Variants in NCOR2 observed in about 807,000 individuals in gnomAD.
NCOR2 encodes CTG repeat protein 26.
A neutral mutation model predicts 262.9 loss-of-function variants in NCOR2; 81 were observed. The observed-to-expected ratio is 0.31, with a 90% confidence interval of 0.26 to 0.37. NCOR2 has a LOEUF of 0.37. NCOR2 is among the 10% of genes least tolerant of loss of function. The probability of loss-of-function intolerance (pLI) is 1.00; values close to 1 mark genes in which losing one functional copy is unlikely to be tolerated. For synonymous variants in NCOR2, 1,659 were observed against 1,559.3 expected (o/e 1.06, Z -1.51); for missense variants, 3,385 against 3,621.4 (o/e 0.93, Z 1.68).
At chr12:124,419,277 T>C (rs2043082475) in intron 13 of NCOR2, among the ~76,000 whole-genome samples, 1 of 152,178 alleles carries the variant, frequency 6.6e-6, no homozygotes, top group South Asian at 2.1e-4. Flanking sequence ...TGAGACCCTG[T>C]ACGCCATACA....
chr12:124,357,293 G>A (rs964968624), intron 22 of NCOR2, among the ~76,000 whole-genome samples: 1 of 152,056 alleles, frequency 6.6e-6, no homozygotes, highest in African/African-American at 2.4e-5. Flanking sequence ...GAATACAGGC[G>A]CCCACCACCG....
At position 124,378,226 on chromosome 12, in the gene NCOR2, C is replaced by A. The variant is rs2040169085; in HGVS notation, c.2167+11G>T. 5 of 1,612,350 alleles carry A rather than the reference C, an allele frequency of 3.1e-6. No homozygotes were observed. The South Asian group carries it at 3.3e-5, about 11-fold the overall frequency. ...AGCTGCCAGCCACCTCCAAGCCGCG[C>A]CAGCCCTCACCTTCAGCCTCCTCCA... On this transcript the variant is annotated intron_variant, in intron 18 of 46. Transcript: ENST00000405201. This position sits in a 1 kb window ranked among gnomAD's most constrained non-coding sequence, Gnocchi z 4.2.
chr12:124,344,563 CCACCCCACTCACGCCCATGCA>C lies in NCOR2; in HGVS notation c.4714+13_4714+33del, dbSNP rs755043323. On this transcript the variant is annotated intron_variant, in intron 32 of 46. Coordinates refer to ENST00000405201, the Ensembl canonical transcript of NCOR2. ...AGGCACAGCTTCTCCAGACAGGCGCCCACCCCACTCACGCCCATGCACACCCCACTCACCCTCCTGCAGGCG... is the reference window on the plus strand; with the variant it reads ...AGGCACAGCTTCTCCAGACAGGCGCCCACCCCACTCACCCTCCTGCAGGCG... 346 of 1,419,074 alleles carry C rather than the reference CCACCCCACTCACGCCCATGCA, an allele frequency of 2.4e-4. 3 individuals are homozygous for C. In the Middle Eastern group the frequency reaches 6.1e-3, roughly 25 times the overall value. The allele number at this position is 1,419,074 out of a possible 1,614,324, so 87.9% of individuals were successfully genotyped here.
chr12:124,527,717 CCAGT>C (rs1270321930), intron 1 of NCOR2, among the ~76,000 whole-genome samples: 1 of 152,140 alleles, frequency 6.6e-6, no homozygotes, highest in Non-Finnish European at 1.5e-5. Context: ...GCCACTGTGC[CCAGT>C]CAATTAAATA....
At chr12:124,369,116 C>G (rs914904805) in intron 20 of NCOR2, among the ~76,000 whole-genome samples, 2 of 152,204 alleles carry the variant, frequency 1.3e-5, no homozygotes, top group Non-Finnish European at 2.9e-5. Context: ...GCCCACCTTA[C>G]AGATGAGAAA....
exon 36 of NCOR2, chr12:124,340,372 G>C (rs201265970): frequency 6.2e-7 from 1 of 1,612,974 alleles, no homozygotes; most frequent in Non-Finnish European, 8.5e-7. Flanking sequence ...TCCCGGTCCC[G>C]CTCTCGATCC....
chr12:124,433,877 C>CAAAA (rs397972191), intron 8 of NCOR2, among the ~76,000 whole-genome samples: 7 of 119,296 alleles, frequency 5.9e-5, no homozygotes, highest in African/African-American at 1.6e-4. Flanking sequence ...CACACACACA[C>CAAAA]ACACACACAC....
chr12:124,461,357 C>T (rs2046151632), intron 5 of NCOR2, among the ~76,000 whole-genome samples: 1 of 152,232 alleles, frequency 6.6e-6, no homozygotes, highest in Non-Finnish European at 1.5e-5. Flanking sequence ...CCCCGCTCAC[C>T]GTGGCGTCCA....
intron 21 of NCOR2, 134 bp downstream of exon 23, chr12:124,363,545 G>C: frequency 2.2e-6 from 2 of 913,660 alleles, no homozygotes; most frequent in Non-Finnish European, 3.0e-6. Context: ...AGCTCCACGG[G>C]GATTTCTCCA....
At chr12:124,382,645 C>T (rs998364778) in intron 17 of NCOR2, among the ~76,000 whole-genome samples, 17 of 152,226 alleles carry the variant, frequency 1.1e-4, no homozygotes, top group Non-Finnish European at 2.4e-4. Flanking sequence ...ACTCCCTCCA[C>T]GGTCCACTAA....
intron 1 of NCOR2, among the ~76,000 whole-genome samples, chr12:124,527,097 G>A (rs1312786093): frequency 6.6e-6 from 1 of 152,234 alleles, no homozygotes; most frequent in African/African-American, 2.4e-5. Context: ...AGTCGTGGAA[G>A]GGATGATGAG....
At chr12:124,385,936 G>A in intron 16 of NCOR2, 49 bp from the exon 19 acceptor site, 1 of 1,590,376 alleles carries the variant, frequency 6.3e-7, no homozygotes, top group East Asian at 2.2e-5. Flanking sequence ...CCGGCACGCA[G>A]AGGGGGCCTG....
intron 13 of NCOR2, among the ~76,000 whole-genome samples, chr12:124,410,805 G>C (rs936678474): frequency 2.6e-5 from 4 of 152,208 alleles, no homozygotes; most frequent in African/African-American, 9.6e-5. Flanking sequence ...TCCTGCCCTG[G>C]AACAGCCTTC....
chr12:124,445,228 A>G lies in NCOR2; in HGVS notation c.815+4587T>C, dbSNP rs369513965. ...TCCCCAGGTCCCACGCACTTTCACC[A>G]CATCCCACGCGGGCTCCATAGACTC... is the stretch of plus-strand genomic sequence containing the variant. On this transcript the variant is annotated intron_variant, in intron 7 of 46. Coordinates refer to ENST00000405201, the Ensembl canonical transcript of NCOR2. Among the ~76,000 whole-genome samples, 610 of 152,286 alleles carry G rather than the reference A, an allele frequency of 4.0e-3. 9 individuals carry two copies. Among genetic ancestry groups the G allele is most frequent in the African/African-American group, 0.014 (585 of 41,562 alleles).
Position 124,523,252 on chromosome 12 carries a change from C to A in NCOR2, c.-118+12313G>T, listed in dbSNP as rs1317442749. Among the ~76,000 whole-genome samples the A allele has an allele frequency of 1.3e-5, 2 of 152,356 alleles. No individual in the cohort carries two copies. The highest frequency in any genetic ancestry group is 3.9e-4 in the East Asian group (2 of 5,184). ...GAGTTAATTGCTCACTCAAGACTCA[C>A]TTCCAACTGCAGCACCATCCGGCAC... On this transcript the variant is annotated intron_variant, in intron 1 of 46. Coordinates refer to the NCOR2 transcript ENST00000404621. The surrounding 1 kb of genome is among the most constrained non-coding windows in gnomAD (Gnocchi z 4.0).
At chr12:124,522,182 T>C (rs1292510691) in intron 1 of NCOR2, among the ~76,000 whole-genome samples, 1 of 152,194 alleles carries the variant, frequency 6.6e-6, no homozygotes, top group Non-Finnish European at 1.5e-5. Flanking sequence ...GCCCCTACTG[T>C]ATGTGCTGAG....
At chr12:124,492,850 T>C (rs1649605749) in intron 1 of NCOR2, among the ~76,000 whole-genome samples, 1 of 151,530 alleles carries the variant, frequency 6.6e-6, no homozygotes, top group South Asian at 2.1e-4. Context: ...CTCCTCAGAG[T>C]GCCCAGAACT....
chr12:124,415,312 G>A (rs2042799292), intron 13 of NCOR2, among the ~76,000 whole-genome samples: 1 of 152,252 alleles, frequency 6.6e-6, no homozygotes, highest in South Asian at 2.1e-4. Context: ...AGACTGATCA[G>A]CAGTGTCAGT....
intron 17 of NCOR2, 104 bp downstream of exon 19, chr12:124,385,641 C>T (rs999082569): frequency 1.3e-5 from 20 of 1,485,168 alleles, no homozygotes; most frequent in African/African-American, 8.4e-5. Context: ...CATAATAGCC[C>T]CTCCCTGGCC....
Sources: allele counts gnomAD v4.1 joint callset (sites outside exome capture counted in the v4.1 genomes callset), GRCh38; gene constraint gnomAD v4.1.1; non-coding constraint Gnocchi (gnomAD v3.1); transcripts MANE v1.5; gene names NCBI Gene and HGNC (gene_info 2026-07-23, HGNC 2026-07-21).